The following MEG3 variants were observed in gnomAD, a reference collection of about 807,000 sequenced individuals.
The protein encoded by MEG3 is maternally expressed 3, also known as Very putative protein from MEG3 locus.
rs2037874262 is a variant in MEG3 at position 100,845,017 on chromosome 14, T to G, written n.3046-441T>G. On this transcript the variant is annotated intron_variant and non_coding_transcript_variant, in intron 2 of 3. Coordinates refer to the MEG3 transcript ENST00000398461. This position sits in a 1 kb window ranked among gnomAD's most constrained non-coding sequence, Gnocchi z 5.2. The stretch of plus-strand genomic sequence containing the variant: ...CCATTAATAGCCCTGCAGCCCTCTG[T>G]GGGCTGCCCTCCCGGCCACACCCCG... Among the ~76,000 whole-genome samples, 2 of 152,126 alleles carry G rather than the reference T, an allele frequency of 1.3e-5. No individual in the cohort carries two copies. The highest frequency in any genetic ancestry group is 4.8e-5 in the African/African-American group (2 of 41,436).
In MEG3 at chr14:100,851,028, C is replaced by T. The variant is rs552644213; in HGVS notation, n.3121+5495C>T. ...TTGCCCTGGCAGGGAGGAGCTGGCT[C>T]AGGAAGACCCTGGTCTTGGGGTGCT... On this transcript the variant is annotated intron_variant and non_coding_transcript_variant, in intron 3 of 3. Transcript: ENST00000398461. 2.0e-5 allele frequency: 3 copies of T among 152,608 alleles called. No individual in the cohort carries two copies. In the East Asian group the frequency reaches 5.8e-4, roughly 29 times the overall value. The allele number at this position is 152,608 out of a possible 1,614,324, so 9.5% of individuals were successfully genotyped here.
Position 100,837,357 on chromosome 14 carries a change from A to G in MEG3, n.3045+1057A>G, listed in dbSNP as rs1473811824. On this transcript the variant is annotated intron_variant and non_coding_transcript_variant, in intron 2 of 3. Coordinates refer to the MEG3 transcript ENST00000398461. The surrounding 1 kb of genome is among the most constrained non-coding windows in gnomAD (Gnocchi z 5.8). ...CAGTGTCAGGATCCTGGCACCCCTC[A>G]TATATGACGCCCCTGGGGTGGCCAT... Among the ~76,000 whole-genome samples the G allele has an allele frequency of 1.3e-5, 2 of 152,176 alleles. No individual in the cohort carries two copies. The highest frequency in any genetic ancestry group is 2.9e-5 in the Non-Finnish European group (2 of 68,022).
At chr14:100,834,533 C>G (rs1435247633) in exon 1 of MEG3, 1 of 377,352 alleles carries the variant, frequency 2.7e-6, no homozygotes, top group Non-Finnish European at 5.3e-6. Context: ...AGGGGCAGCC[C>G]TTTAACCTGG....
At chr14:100,850,966 G>A (rs1185957866) in intron 3 of MEG3, 1 of 152,374 alleles carries the variant, frequency 6.6e-6, no homozygotes, top group Non-Finnish European at 1.5e-5. Flanking sequence ...CCCCAGGGAG[G>A]GTGGCTGTAG....
chr14:100,854,868 G>A (rs2038190651), upstream of MEG3: 1 of 152,696 alleles, frequency 6.5e-6, no homozygotes, highest in South Asian at 2.1e-4. Flanking sequence ...TGGTCTTTGG[G>A]GTTTAACTGA....
exon 1 of MEG3, chr14:100,834,642 G>T: frequency 2.2e-6 from 1 of 455,522 alleles, no homozygotes; most frequent in South Asian, 1.6e-5. Context: ...TTCCTGACCT[G>T]GCCATCCCGG....
At chr14:100,858,598 C>G (rs553973816) in exon 1 of MEG3, 1 of 152,914 alleles carries the variant, frequency 6.5e-6, no homozygotes, top group Non-Finnish European at 1.5e-5. Context: ...GTTGCTGCCC[C>G]GGCTCTCTTC....
intron 2 of MEG3, among the ~76,000 whole-genome samples, chr14:100,838,447 G>A (rs1043127701): frequency 2.0e-5 from 3 of 152,236 alleles, no homozygotes; most frequent in Non-Finnish European, 4.4e-5. Flanking sequence ...GACTTACTAC[G>A]TCAGCCTTGC....
In MEG3 at chr14:100,845,408, G is replaced by A. The variant is rs751553656; in HGVS notation, n.3046-50G>A. Reference sequence around the variant, plus strand: ...GTCCTCATCCGCCCTCCTCCTCCTCGCCGGCCTGAGTGAGGTTCTACTCTG... The same window carrying A: ...GTCCTCATCCGCCCTCCTCCTCCTCACCGGCCTGAGTGAGGTTCTACTCTG... On this transcript the variant is annotated intron_variant and non_coding_transcript_variant, in intron 2 of 3. Coordinates refer to the MEG3 transcript ENST00000398461. This position sits in a 1 kb window ranked among gnomAD's most constrained non-coding sequence, Gnocchi z 5.2. 25 of 442,506 alleles carry A rather than the reference G, an allele frequency of 5.6e-5. No individual in the cohort carries two copies. The highest frequency in any genetic ancestry group is 9.6e-5 in the Non-Finnish European group (21 of 219,366). 27.4% of individuals were successfully genotyped at this position (442,506 alleles called of 1,614,324 possible).
downstream of MEG3, chr14:100,832,672 G>A (rs1163938016): frequency 6.6e-6 from 1 of 152,630 alleles, no homozygotes; most frequent in African/African-American, 2.4e-5. Context: ...CCGGGGCGAT[G>A]TGGCTTCTTA....
intron 2 of MEG3, among the ~76,000 whole-genome samples, chr14:100,841,164 A>C (rs1325133914): frequency 6.6e-6 from 1 of 152,168 alleles, no homozygotes; most frequent in Non-Finnish European, 1.5e-5. Flanking sequence ...GCCACTCCAG[A>C]GGCACCAGGG....
At chr14:100,840,841 G>T (rs2139969974) in intron 2 of MEG3, among the ~76,000 whole-genome samples, 1 of 152,362 alleles carries the variant, frequency 6.6e-6, no homozygotes, top group African/African-American at 2.4e-5. Flanking sequence ...GAAAGTTGGG[G>T]AAGGAGGACA....
chr14:100,859,872 C>T (rs771930449), exon 1 of MEG3: 2 of 152,176 alleles, frequency 1.3e-5, no homozygotes, highest in South Asian at 2.1e-4. Flanking sequence ...TGGGCTGGCT[C>T]GTGAGACTCA....
intron 2 of MEG3, among the ~76,000 whole-genome samples, chr14:100,838,604 ACAGAGG>A (rs1434800620): frequency 2.6e-5 from 4 of 152,198 alleles, no homozygotes; most frequent in Non-Finnish European, 5.9e-5. Flanking sequence ...GCAGTGAGCC[ACAGAGG>A]ACCCTGTCAC....
At chr14:100,839,339 C>T (rs1023371018) in intron 2 of MEG3, among the ~76,000 whole-genome samples, 1 of 152,306 alleles carries the variant, frequency 6.6e-6, no homozygotes, top group Non-Finnish European at 1.5e-5. Flanking sequence ...CTGGTTCCCC[C>T]TCCCTGCTGT....
upstream of MEG3, chr14:100,853,233 G>T (rs1247148843): frequency 4.6e-5 from 7 of 152,100 alleles, no homozygotes; most frequent in African/African-American, 1.4e-4. Flanking sequence ...TCTTGACATT[G>T]TCATTTGCAT....
intron 2 of MEG3, among the ~76,000 whole-genome samples, chr14:100,844,410 C>A (rs984567926): frequency 6.6e-6 from 1 of 152,182 alleles, no homozygotes; most frequent in Non-Finnish European, 1.5e-5. Context: ...CGCCTCCTCA[C>A]CTTAAGTAGA....
chr14:100,840,393 G>C (rs946084140), intron 2 of MEG3, among the ~76,000 whole-genome samples: 3 of 151,822 alleles, frequency 2.0e-5, no homozygotes, highest in Non-Finnish European at 2.9e-5. Flanking sequence ...AGAGGAATGT[G>C]GGGGAGCCCC....
intron 1 of MEG3, among the ~76,000 whole-genome samples, chr14:100,828,277 T>A (rs1413619134): frequency 2.0e-5 from 3 of 151,936 alleles, no homozygotes; most frequent in African/African-American, 7.3e-5. Flanking sequence ...GGGTTTTGAG[T>A]TGCGCACACG....
Sources: allele counts gnomAD v4.1 joint callset (sites outside exome capture counted in the v4.1 genomes callset), GRCh38; gene constraint gnomAD v4.1.1; non-coding constraint Gnocchi (gnomAD v3.1); transcripts MANE v1.5; gene names NCBI Gene and HGNC (gene_info 2026-07-23, HGNC 2026-07-21).